PGCKA1: variants seen among roughly 807,000 people sequenced by gnomAD.
The protein encoded by PGCKA1 is PDCD10 and GCKIII kinases associated 1, also known as PDCD10 and GCKIII kinases-associated protein 1.
chr4:37,522,716 G>T, the PGCKA1 span, among the ~76,000 whole-genome samples: 1 of 151,950 alleles, frequency 6.6e-6, no homozygotes, highest in Non-Finnish European at 1.5e-5. Flanking sequence ...AGACTGGGTG[G>T]GTCCTTTCCT....
chr4:37,487,639 A>G, the PGCKA1 span, among the ~76,000 whole-genome samples: 1 of 152,202 alleles, frequency 6.6e-6, no homozygotes, highest in South Asian at 2.1e-4. Flanking sequence ...TGCTGTTTCC[A>G]ATCAATCCTT....
chr4:37,507,317 G>T, the PGCKA1 span, among the ~76,000 whole-genome samples: 1 of 151,874 alleles, frequency 6.6e-6, no homozygotes, highest in Non-Finnish European at 1.5e-5. Context: ...GTGCCATTTT[G>T]TTATTTCTTT....
At chr4:37,510,627 C>A in the PGCKA1 span, among the ~76,000 whole-genome samples, 2 of 148,776 alleles carry the variant, frequency 1.3e-5, no homozygotes, top group African/African-American at 4.9e-5. Context: ...CCCCCTGTGA[C>A]CACTACCACT....
the PGCKA1 span, among the ~76,000 whole-genome samples, chr4:37,543,923 G>C: frequency 2.0e-5 from 3 of 151,950 alleles, no homozygotes; most frequent in East Asian, 5.8e-4. Context: ...AGGCATTCTG[G>C]GATCTCCCAT....
chr4:37,593,147 T>C, the PGCKA1 span, among the ~76,000 whole-genome samples: 1 of 152,240 alleles, frequency 6.6e-6, no homozygotes, highest in South Asian at 2.1e-4. Flanking sequence ...TTGTATTTAG[T>C]ACACCAAATA....
the PGCKA1 span, among the ~76,000 whole-genome samples, chr4:37,508,226 C>T: frequency 1.3e-5 from 2 of 152,146 alleles, no homozygotes; most frequent in East Asian, 3.9e-4. Flanking sequence ...CATTCTATAA[C>T]CTTCTTACAC....
At chr4:37,487,765 T>G in the PGCKA1 span, among the ~76,000 whole-genome samples, 2 of 152,280 alleles carry the variant, frequency 1.3e-5, no homozygotes, top group Admixed American at 6.5e-5. Context: ...CACATTTGTA[T>G]GATTACATAT....
At chr4:37,535,695 C>T in the PGCKA1 span, among the ~76,000 whole-genome samples, 5 of 152,286 alleles carry the variant, frequency 3.3e-5, no homozygotes, top group South Asian at 8.3e-4. Context: ...CGCTTTTCCT[C>T]GCAGTAACCC....
chr4:37,457,183 G>A, the PGCKA1 span, among the ~76,000 whole-genome samples: 1 of 152,344 alleles, frequency 6.6e-6, no homozygotes, highest in East Asian at 1.9e-4. Context: ...CAAAGCTGAA[G>A]TAAACTGTTG....
the PGCKA1 span, among the ~76,000 whole-genome samples, chr4:37,543,904 A>G: frequency 1.3e-5 from 2 of 151,856 alleles, no homozygotes; most frequent in African/African-American, 4.8e-5. Context: ...CCTCTCTTGT[A>G]TACACTGGAG....
At chr4:37,495,860 GA>G in the PGCKA1 span, among the ~76,000 whole-genome samples, 1,548 of 147,778 alleles carry the variant, frequency 0.01, 23 homozygotes, top group African/African-American at 0.034. Flanking sequence ...TATAATTTAA[GA>G]AAAAAAAAAG....
the PGCKA1 span, among the ~76,000 whole-genome samples, chr4:37,548,875 T>C: frequency 1.3e-5 from 2 of 152,260 alleles, no homozygotes; most frequent in Non-Finnish European, 2.9e-5. Context: ...ATATTCCATC[T>C]GCATGTTAAA....
the PGCKA1 span, among the ~76,000 whole-genome samples, chr4:37,469,978 G>A: frequency 6.6e-6 from 1 of 152,188 alleles, no homozygotes; most frequent in African/African-American, 2.4e-5. Context: ...CACTTTGGGA[G>A]ATACAGTTTG....
chr4:37,553,629 A>G, the PGCKA1 span, among the ~76,000 whole-genome samples: 3,689 of 152,326 alleles, frequency 0.024, 152 homozygotes, highest in African/African-American at 0.082. Context: ...TGATGTGCCA[A>G]TGATTGCTAG....
chr4:37,582,745 C>G, the PGCKA1 span, among the ~76,000 whole-genome samples: 1 of 152,172 alleles, frequency 6.6e-6, no homozygotes, highest in South Asian at 2.1e-4. Flanking sequence ...GGCACTATTA[C>G]CTTTGATTAC....
At chr4:37,570,098 G>A in the PGCKA1 span, among the ~76,000 whole-genome samples, 1 of 143,976 alleles carries the variant, frequency 6.9e-6, no homozygotes, top group Non-Finnish European at 1.5e-5. Flanking sequence ...TCCTGCCTCA[G>A]CCTCCCGAGT....
At chr4:37,546,498 G>A in the PGCKA1 span, among the ~76,000 whole-genome samples, 1 of 152,214 alleles carries the variant, frequency 6.6e-6, no homozygotes, top group East Asian at 1.9e-4. Context: ...AATCAATCAC[G>A]ACCCTTTCAC....
At chr4:37,548,542 T>TA in the PGCKA1 span, among the ~76,000 whole-genome samples, 31 of 150,744 alleles carry the variant, frequency 2.1e-4, no homozygotes, top group Non-Finnish European at 2.8e-4. Context: ...TATAAAAGGT[T>TA]AAAAAAAAAG....
chr4:37,583,375 T>C, the PGCKA1 span, among the ~76,000 whole-genome samples: 2 of 152,200 alleles, frequency 1.3e-5, no homozygotes, highest in South Asian at 2.1e-4. Context: ...GCAAGGAGGC[T>C]TCACCAATGA....
Sources: allele counts gnomAD v4.1 joint callset (sites outside exome capture counted in the v4.1 genomes callset), GRCh38; gene constraint gnomAD v4.1.1; transcripts MANE v1.5; gene names NCBI Gene and HGNC (gene_info 2026-07-23, HGNC 2026-07-21).